The following DNAH12 variants were observed in gnomAD, a reference collection of about 807,000 sequenced individuals.
The protein encoded by DNAH12 is dynein axonemal heavy chain 12.
DNAH12 carries 285 observed loss-of-function variants against 371.5 expected under a neutral mutation model. The observed-to-expected ratio is 0.77, with a 90% CI of 0.70 to 0.85. The LOEUF is 0.85. Among genes scored for constraint, DNAH12 ranks in the 40% least tolerant of loss-of-function variants. DNAH12 has a pLI of 0.00. For synonymous variants in DNAH12, 1,200 were observed against 1,213.0 expected (o/e 0.99, Z 0.22); for missense variants, 3,611 against 3,689.4 (o/e 0.98, Z 0.55).
At chr3:57,402,600 A>G (rs2063904643) in intron 43 of DNAH12, among the ~76,000 whole-genome samples, 1 of 152,204 alleles carries the variant, frequency 6.6e-6, no homozygotes, top group Admixed American at 6.5e-5. Flanking sequence ...GATAAACATT[A>G]CATGTTCTCA....
At chr3:57,523,070 C>G (rs963623707) in intron 4 of DNAH12, among the ~76,000 whole-genome samples, 1 of 151,724 alleles carries the variant, frequency 6.6e-6, no homozygotes, top group Non-Finnish European at 1.5e-5. Context: ...TAGTGAATGC[C>G]AACAAAAATG....
chr3:57,420,894 G>A, intron 36 of DNAH12, among the ~76,000 whole-genome samples: 1 of 113,108 alleles, frequency 8.8e-6, no homozygotes, highest in East Asian at 2.6e-4. Context: ...GGACAATAGA[G>A]CAAGACTCCG....
At chr3:57,554,158 A>G in the DNAH12 span, among the ~76,000 whole-genome samples, 2 of 96,890 alleles carry the variant, frequency 2.1e-5, no homozygotes, top group African/African-American at 1.4e-4. Flanking sequence ...ATGGCAGTGC[A>G]CACCTGTAAT....
chr3:57,397,186 T>C (rs2063759575), intron 43 of DNAH12, among the ~76,000 whole-genome samples: 1 of 148,370 alleles, frequency 6.7e-6, no homozygotes, highest in Non-Finnish European at 1.5e-5. Flanking sequence ...TAGGAAGCTC[T>C]AGACCCTTGT....
At chr3:57,481,287 G>C (rs1013404364) in intron 13 of DNAH12, among the ~76,000 whole-genome samples, 5 of 152,102 alleles carry the variant, frequency 3.3e-5, no homozygotes, top group African/African-American at 1.2e-4. Flanking sequence ...CAGACAAACA[G>C]AGAGCCAAAT....
At position 57,364,376 on chromosome 3, in the gene DNAH12, A is replaced by G. The variant is rs1438028292; in HGVS notation, c.9168-590T>C. On this transcript the variant is annotated intron_variant, in intron 57 of 73. Transcript: ENST00000495027. ...TCATGGTTACATATTTTCACTTTTA[A>G]TTCGATTTCATTTATTAGACCACTT... 2.0e-5 allele frequency among the ~76,000 whole-genome samples: 3 copies of G among 152,152 alleles called. No homozygotes were observed. In the East Asian group the frequency reaches 5.8e-4, roughly 29 times the overall value.
At chr3:57,385,697 C>T (rs1301639124) in intron 47 of DNAH12, among the ~76,000 whole-genome samples, 1 of 152,108 alleles carries the variant, frequency 6.6e-6, no homozygotes, top group Admixed American at 6.5e-5. Context: ...GCCTGGGGAA[C>T]ATGGTGAAAT....
rs2063633080 is a variant in DNAH12 at position 57,391,970 on chromosome 3, G to A, written c.7207C>T (p.His2403Tyr). 6.6e-6 allele frequency: 1 copy of A among 152,328 alleles called. No individual in the cohort carries two copies. Among genetic ancestry groups the A allele is most frequent in the Non-Finnish European group, 1.5e-5 (1 of 68,044 alleles). 9.4% of individuals were successfully genotyped at this position (152,328 alleles called of 1,614,324 possible). The change falls in exon 45 of 74, where the codon CAT becomes TAT. Residue 2403 changes from histidine to tyrosine, a missense_variant. This residue lies in a region of DNAH12 where 2,266 missense variants were observed against 2,236.9 expected (regional missense o/e 1.01). Transcript: ENST00000495027. ...ATGGGGCTAAAGGCCACCACGACAT[G>A]AAGATTATCTTTGCAGCGATTCACA... The part of the protein sequence containing the change: ...FFVNRCKDNL[H>Y]VVVAFSPIGD...
At chr3:57,508,573 GA>G in intron 6 of DNAH12, 33 bp from the exon 7 acceptor site, 1 of 1,591,180 alleles carries the variant, frequency 6.3e-7, no homozygotes, top group Non-Finnish European at 8.5e-7. Flanking sequence ...CAAACATGAT[GA>G]AAATAATACA....
At position 57,413,916 on chromosome 3, in the gene DNAH12, A is replaced by G. The variant is rs1222048826; in HGVS notation, c.5854-4T>C. On this transcript the variant is annotated splice_region_variant and splice_polypyrimidine_tract_variant and intron_variant, in intron 38 of 73. Coordinates refer to ENST00000495027, the MANE Select transcript of DNAH12 (RefSeq NM_001366028.2). ...CCAATCTAGCCATGATAATGTTCTA[A>G]AATATGAAGGAAGAATGGTATATTT... 6.5e-7 allele frequency: 1 copy of G among 1,548,564 alleles called. No individual in the cohort carries two copies. Among genetic ancestry groups the G allele is most frequent in the Non-Finnish European group, 8.7e-7 (1 of 1,145,950 alleles).
At chr3:57,401,076 C>A (rs961278292) in intron 43 of DNAH12, among the ~76,000 whole-genome samples, 201 of 152,108 alleles carry the variant, frequency 1.3e-3, no homozygotes, top group Admixed American at 2.4e-3. Context: ...TAAAAATTCA[C>A]AATATATGAA....
intron 25 of DNAH12, among the ~76,000 whole-genome samples, chr3:57,450,263 A>AAAAAAAAAAGG (rs1559675139): frequency 1.2e-4 from 18 of 148,866 alleles, no homozygotes; most frequent in Non-Finnish European, 1.5e-4. Flanking sequence ...AAAAAAAAAA[A>AAAAAAAAAAGG]GGTGGCCCAG....
intron 70 of DNAH12, among the ~76,000 whole-genome samples, chr3:57,300,920 G>A (rs1219925498): frequency 6.6e-6 from 1 of 152,030 alleles, no homozygotes; most frequent in East Asian, 1.9e-4. Context: ...TTTATGCTGG[G>A]GGGAGGGCAG....
At chr3:57,356,828 C>T (rs2153325136) in intron 59 of DNAH12, among the ~76,000 whole-genome samples, 1 of 152,196 alleles carries the variant, frequency 6.6e-6, no homozygotes, top group African/African-American at 2.4e-5. Flanking sequence ...CAACATCCAC[C>T]TCCTGAGTTC....
rs1319343305 is a variant in DNAH12, at chr3:57,415,490, T to C, written c.5789A>G (p.Glu1930Gly). Residue 1930 changes from glutamate (E) to glycine (G), a missense_variant, in exon 38 of 74, where the codon GAA becomes GGA. Coordinates refer to ENST00000495027, the MANE Select transcript of DNAH12 (RefSeq NM_001366028.2). ...YVKDKLMNHL[E>G]KDQYFPFYIN... is the part of the protein sequence containing the mutation. ...ATAAAAAGGAAAGTACTGGTCCTTT[T>C]CCAAGTGATTCATTAGCTTATCCTT... The C allele has an allele frequency of 6.4e-7, 1 of 1,551,266 alleles. No homozygotes were observed. The highest frequency in any genetic ancestry group is 2.4e-5 in the East Asian group (1 of 40,904).
At chr3:57,413,960 G>A in intron 38 of DNAH12, 48 bp from the exon 39 acceptor site, 1 of 1,510,104 alleles carries the variant, frequency 6.6e-7, no homozygotes, top group Non-Finnish European at 8.9e-7. Flanking sequence ...TTGAATTAGG[G>A]ATTTATCATA....
At chr3:57,545,125 T>C (rs1464649812), upstream of DNAH12, among the ~76,000 whole-genome samples, 1 of 151,838 alleles carries the variant, frequency 6.6e-6, no homozygotes, top group African/African-American at 2.4e-5. Context: ...AAATTATCTT[T>C]CTGTAGAAAA....
intron 30 of DNAH12, among the ~76,000 whole-genome samples, chr3:57,435,373 C>CAAAAAAAAAAAAAAAAA (rs34515598): frequency 1.9e-4 from 18 of 94,738 alleles, no homozygotes; most frequent in Non-Finnish European, 3.2e-4. Context: ...CTCTGTCTCC[C>CAAAAAAAAAAAAAAAAA]AAAAAAAAAA....
At chr3:57,528,726 CAA>C (rs1387052838) in intron 2 of DNAH12, among the ~76,000 whole-genome samples, 2 of 120,512 alleles carry the variant, frequency 1.7e-5, no homozygotes. Context: ...AACTCTGTCT[CAA>C]AAAAAAAAAA....
Sources: gnomAD v4.1 joint callset for allele counts (sites outside exome capture counted in the v4.1 genomes callset) on GRCh38, gnomAD v4.1.1 for gene constraint, gnomAD v4.1.1 regional missense constraint, MANE v1.5 for transcripts, NCBI Gene and HGNC (gene_info 2026-07-23, HGNC 2026-07-21) for gene names.